ATG4C: variants seen among roughly 807,000 people sequenced by gnomAD.
ATG4C encodes the protein cysteine protease ATG4C.
ATG4C carries 56 observed loss-of-function variants against 57.6 expected under a neutral mutation model. The ratio of observed to expected loss-of-function variants is 0.97; its 90% confidence interval spans 0.78 to 1.21. The LOEUF is 1.21. ATG4C is among the 50% of genes most tolerant of loss of function. The pLI, the probability that ATG4C is intolerant of heterozygous loss-of-function variation, is 0.00. For synonymous variants in ATG4C, 157 were observed against 174.1 expected (o/e 0.90, Z 0.78); for missense variants, 595 against 529.8 (o/e 1.12, Z -1.21).
intron 7 of ATG4C, among the ~76,000 whole-genome samples, chr1:62,833,212 T>C (rs1362201897): frequency 6.6e-6 from 1 of 152,210 alleles, no homozygotes; most frequent in Non-Finnish European, 1.5e-5. Context: ...TATTGTTTAA[T>C]AGTTTTGGGA....
At chr1:62,790,061 T>C (rs1163170864) in intron 1 of ATG4C, among the ~76,000 whole-genome samples, 1 of 151,940 alleles carries the variant, frequency 6.6e-6, no homozygotes, top group Non-Finnish European at 1.5e-5. Context: ...ATCACAGATA[T>C]GTGCCACCAC....
At chr1:62,850,266 A>G (rs1393818096) in intron 10 of ATG4C, among the ~76,000 whole-genome samples, 1 of 152,064 alleles carries the variant, frequency 6.6e-6, no homozygotes. Context: ...AGAATTTGAT[A>G]ATTTCTCACC....
At position 62,816,788 on chromosome 1, in the gene ATG4C, T is replaced by C. The variant is rs752908496; in HGVS notation, c.374T>C (p.Ile125Thr). The C allele has an allele frequency of 1.1e-5, 18 of 1,576,574 alleles. No individual in the cohort carries two copies. Among genetic ancestry groups the C allele is most frequent in the Non-Finnish European group, 1.6e-5 (18 of 1,161,028 alleles). The change falls in exon 4 of 11, where the codon ATA becomes ACA. Residue 125 changes from isoleucine (I) to threonine (T), a missense_variant. By Grantham distance (89) the Ile-to-Thr change is moderately conservative. Transcript: ENST00000317868. Reference sequence around the variant, plus strand: ...CAGATGCTCTTGGCTCAAGGACTCATACTACACTTTCTTGGTAGAGGTAAA... The same window carrying C: ...CAGATGCTCTTGGCTCAAGGACTCACACTACACTTTCTTGGTAGAGGTAAA... ...TGQMLLAQGL[I>T]LHFLGRAWTW...
intron 9 of ATG4C, among the ~76,000 whole-genome samples, chr1:62,839,960 C>G (rs753378649): frequency 9.2e-5 from 14 of 151,928 alleles, no homozygotes; most frequent in Non-Finnish European, 2.1e-4. Flanking sequence ...GGTGATGATA[C>G]GGGATACAAA....
chr1:62,825,666 A>G (rs977991194), intron 6 of ATG4C, among the ~76,000 whole-genome samples: 15 of 152,102 alleles, frequency 9.9e-5, no homozygotes, highest in African/African-American at 3.6e-4. Context: ...TCCTCTCTCT[A>G]AACTCCAGTT....
At chr1:62,794,153 A>G (rs540826801) in intron 1 of ATG4C, among the ~76,000 whole-genome samples, 1 of 152,342 alleles carries the variant, frequency 6.6e-6, no homozygotes, top group East Asian at 1.9e-4. Flanking sequence ...GATTGAGGTC[A>G]TTTAAACTCC....
chr1:62,823,646 A>T (rs546381599), intron 6 of ATG4C, among the ~76,000 whole-genome samples: 1 of 152,326 alleles, frequency 6.6e-6, no homozygotes, highest in African/African-American at 2.4e-5. Context: ...AGCACAATGA[A>T]GTCCTTTATA....
At chr1:62,831,816 A>T (rs1354507191) in intron 7 of ATG4C, among the ~76,000 whole-genome samples, 1 of 152,238 alleles carries the variant, frequency 6.6e-6, no homozygotes, top group Non-Finnish European at 1.5e-5. Flanking sequence ...GTTTATTACT[A>T]AACTTGCTCT....
intron 9 of ATG4C, 30 bp downstream of exon 9, chr1:62,834,882 T>C: frequency 6.4e-7 from 1 of 1,558,294 alleles, no homozygotes; most frequent in Non-Finnish European, 8.8e-7. Context: ...GATACTGTTT[T>C]CTTACCATAT....
At chr1:62,800,593 G>A (rs1664626663) in intron 1 of ATG4C, among the ~76,000 whole-genome samples, 1 of 151,874 alleles carries the variant, frequency 6.6e-6, no homozygotes. Flanking sequence ...TCCTTTTCTT[G>A]CTTTTCCAGA....
chr1:62,791,201 T>C (rs141363340), intron 1 of ATG4C, among the ~76,000 whole-genome samples: 1 of 152,336 alleles, frequency 6.6e-6, no homozygotes, highest in African/African-American at 2.4e-5. Flanking sequence ...CTTATTAGAA[T>C]GTAAGATTAA....
chr1:62,829,191 C>T lies in ATG4C; in HGVS notation c.933+15C>T. 6.2e-7 allele frequency: 1 copy of T among 1,610,542 alleles called. No homozygotes were observed. Among genetic ancestry groups the T allele is most frequent in the Non-Finnish European group, 8.5e-7 (1 of 1,178,344 alleles). The stretch of plus-strand genomic sequence containing the variant: ...AATTTGTGAAGGTATGAAATAAGTG[C>T]TGAACTTTTTTAGGGCAATACTAGC... On this transcript the variant is annotated intron_variant, in intron 7 of 10. Coordinates refer to ENST00000317868, the MANE Select transcript of ATG4C (RefSeq NM_032852.4).
chr1:62,801,785 C>T (rs577239471), intron 1 of ATG4C, among the ~76,000 whole-genome samples: 393 of 151,784 alleles, frequency 2.6e-3, no homozygotes, highest in Middle Eastern at 6.8e-3. Context: ...GGTGAAAACC[C>T]GTCTCTACTA....
chr1:62,814,073 G>C (rs534622925), intron 3 of ATG4C, among the ~76,000 whole-genome samples: 3 of 152,256 alleles, frequency 2.0e-5, no homozygotes, highest in African/African-American at 7.2e-5. Flanking sequence ...AATATCATTT[G>C]ACCCAGCACT....
At chr1:62,857,555 A>G (rs879195475) in intron 10 of ATG4C, among the ~76,000 whole-genome samples, 8 of 152,232 alleles carry the variant, frequency 5.3e-5, no homozygotes, top group Admixed American at 2.6e-4. Context: ...ATGCACTTCA[A>G]TCATCCTGAA....
chr1:62,823,589 C>T (rs1392218539), intron 6 of ATG4C, among the ~76,000 whole-genome samples: 1 of 152,172 alleles, frequency 6.6e-6, no homozygotes, highest in African/African-American at 2.4e-5. Context: ...ATCTACAAAC[C>T]AATGACTGCC....
At chr1:62,847,897 A>G (rs1194170719) in intron 10 of ATG4C, among the ~76,000 whole-genome samples, 1 of 152,176 alleles carries the variant, frequency 6.6e-6, no homozygotes, top group Non-Finnish European at 1.5e-5. Context: ...AGTGCCTCCA[A>G]AACAACCACT....
chr1:62,804,913 A>AT (rs898717423), intron 2 of ATG4C, among the ~76,000 whole-genome samples: 1 of 152,036 alleles, frequency 6.6e-6, no homozygotes, highest in Admixed American at 6.6e-5. Context: ...TAAAATTAAA[A>AT]TTTTTTCTTT....
intron 10 of ATG4C, among the ~76,000 whole-genome samples, chr1:62,856,157 G>A (rs1215107157): frequency 1.3e-5 from 2 of 152,096 alleles, no homozygotes; most frequent in Non-Finnish European, 2.9e-5. Context: ...CACTATTTTG[G>A]TTAAGGTCTT....
Sources: gnomAD v4.1 joint callset for allele counts (sites outside exome capture counted in the v4.1 genomes callset) on GRCh38, gnomAD v4.1.1 for gene constraint, MANE v1.5 for transcripts, NCBI Gene and HGNC (gene_info 2026-07-23, HGNC 2026-07-21) for gene names.